The following EDA variants were observed in gnomAD, a reference collection of about 807,000 sequenced individuals.
EDA encodes the protein ectodysplasin A, also known as ectodysplasin-A.
Under a neutral mutation model 23.6 loss-of-function variants are expected in EDA, and 2 were observed. The ratio of observed to expected loss-of-function variants is 0.08; its 90% CI spans 0.03 to 0.27. The LOEUF (loss-of-function observed/expected upper bound fraction) is 0.27. Among genes scored for constraint, EDA ranks in the 10% least tolerant of loss-of-function variants. EDA has a pLI of 1.00. For synonymous variants in EDA, 131 were observed against 132.0 expected (o/e 0.99, Z 0.05); for missense variants, 229 against 324.2 (o/e 0.71, Z 2.26).
chrX:69,733,503 G>A (rs367754740), intron 1 of EDA, among the ~76,000 whole-genome samples: 4 of 109,608 alleles, frequency 3.6e-5, no homozygotes, highest in African/African-American at 1.3e-4. Flanking sequence ...TGGTTACTGT[G>A]GCCTTGTAGT....
chrX:69,616,906 G>A, intron 1 of EDA: 1 of 514,717 alleles, frequency 1.9e-6, no homozygotes, highest in African/African-American at 2.4e-5. Context: ...ACTCCCTGGG[G>A]ACCCCTTGAC....
intron 1 of EDA, among the ~76,000 whole-genome samples, chrX:69,738,169 T>A (rs2013332341): frequency 9.0e-6 from 1 of 111,082 alleles, no homozygotes; most frequent in Non-Finnish European, 1.9e-5. Context: ...TTTATGTCCT[T>A]TGGGAGTTCC....
chrX:69,978,428 G>A (rs2019350618), intron 2 of EDA, among the ~76,000 whole-genome samples: 1 of 100,333 alleles, frequency 1.0e-5, no homozygotes, highest in African/African-American at 3.7e-5. Flanking sequence ...GCTTGAACCC[G>A]GGAGGCGGAG....
chrX:69,680,876 G>T (rs1206543874), intron 1 of EDA, among the ~76,000 whole-genome samples: 1 of 102,064 alleles, frequency 9.8e-6, no homozygotes, highest in South Asian at 5.0e-4. Flanking sequence ...GATGTTAGCT[G>T]GTTATTTTGC....
intron 1 of EDA, among the ~76,000 whole-genome samples, chrX:69,651,322 A>G (rs187247874): frequency 8.9e-6 from 1 of 111,744 alleles, no homozygotes; most frequent in East Asian, 2.8e-4. Flanking sequence ...AAACTAGAAT[A>G]GTTGGATGTT....
At chrX:69,812,652 G>C (rs1289275820) in intron 1 of EDA, among the ~76,000 whole-genome samples, 1 of 111,885 alleles carries the variant, frequency 8.9e-6, no homozygotes, top group Non-Finnish European at 1.9e-5. Flanking sequence ...TGTCATGATA[G>C]AAGTCTGCAG....
At chrX:69,824,601 G>C (rs1177007485) in intron 1 of EDA, among the ~76,000 whole-genome samples, 1 of 104,448 alleles carries the variant, frequency 9.6e-6, no homozygotes, top group African/African-American at 3.5e-5. Context: ...ATTTTGGGCT[G>C]AGACAATGGG....
chrX:69,654,796 G>T (rs1933245902), intron 1 of EDA, among the ~76,000 whole-genome samples: 1 of 90,703 alleles, frequency 1.1e-5, no homozygotes, highest in East Asian at 3.6e-4. Flanking sequence ...GGGGACTGTT[G>T]TGGGGTGGGG....
intron 1 of EDA, among the ~76,000 whole-genome samples, chrX:69,676,504 G>A (rs183961572): frequency 2.3e-4 from 25 of 109,047 alleles, no homozygotes; most frequent in South Asian, 7.8e-4. Context: ...GTGTGTGTGC[G>A]CGCGCGCACG....
intron 1 of EDA, among the ~76,000 whole-genome samples, chrX:69,892,143 A>C (rs1203354227): frequency 8.9e-6 from 1 of 112,038 alleles, no homozygotes; most frequent in East Asian, 2.8e-4. Flanking sequence ...GTCTGGAGTT[A>C]TAAGGTATTT....
intron 1 of EDA, among the ~76,000 whole-genome samples, chrX:69,738,263 G>T (rs1384045658): frequency 9.2e-6 from 1 of 109,055 alleles, no homozygotes; most frequent in African/African-American, 3.3e-5. Flanking sequence ...TAAGTTTACT[G>T]ATCTTTTTCT....
At chrX:69,776,912 T>C (rs2014802761) in intron 1 of EDA, among the ~76,000 whole-genome samples, 1 of 111,594 alleles carries the variant, frequency 9.0e-6, no homozygotes. Flanking sequence ...ATTAAGTATT[T>C]GCAGAATTCC....
chrX:69,944,845 G>T (rs2018811720), intron 1 of EDA, among the ~76,000 whole-genome samples: 1 of 112,044 alleles, frequency 8.9e-6, no homozygotes, highest in African/African-American at 3.2e-5. Flanking sequence ...CAGAACTCAG[G>T]TTCCAACCAC....
chrX:69,795,710 A>G (rs2015524850), intron 1 of EDA, among the ~76,000 whole-genome samples: 1 of 112,777 alleles, frequency 8.9e-6, no homozygotes. Context: ...ACACTGGCCT[A>G]GGCTGTCACC....
intron 1 of EDA, among the ~76,000 whole-genome samples, chrX:69,844,193 C>T (rs1433870262): frequency 1.8e-5 from 2 of 111,105 alleles, no homozygotes; most frequent in African/African-American, 6.5e-5. Flanking sequence ...GACCTCTGGC[C>T]CAATTTTGAC....
chrX:69,972,485 A>C (rs182377409), intron 2 of EDA, among the ~76,000 whole-genome samples: 82 of 111,667 alleles, frequency 7.3e-4, no homozygotes, highest in African/African-American at 2.6e-3. Flanking sequence ...TATTTAAGTA[A>C]ATTATTAATG....
At chrX:69,932,149 C>CA (rs1340476158) in intron 1 of EDA, among the ~76,000 whole-genome samples, 2 of 111,437 alleles carry the variant, frequency 1.8e-5, no homozygotes, top group East Asian at 5.6e-4. Context: ...TCTATAGTGG[C>CA]AAAAAGCAGA....
intron 1 of EDA, among the ~76,000 whole-genome samples, chrX:69,691,049 A>G (rs1481904859): frequency 9.0e-6 from 1 of 111,431 alleles, no homozygotes; most frequent in African/African-American, 3.3e-5. Flanking sequence ...AGGTTTGTCA[A>G]TTTTGTGGAT....
chrX:70,016,046 A>G (rs1268242376), intron 2 of EDA, among the ~76,000 whole-genome samples: 1 of 68,403 alleles, frequency 1.5e-5, no homozygotes, highest in Non-Finnish European at 3.3e-5. Context: ...ATGGAGAAAG[A>G]AAAAAAAAAA....
Sources: allele counts gnomAD v4.1 joint callset (sites outside exome capture counted in the v4.1 genomes callset), GRCh38; gene constraint gnomAD v4.1.1; transcripts MANE v1.5; gene names NCBI Gene and HGNC (gene_info 2026-07-23, HGNC 2026-07-21).